SPO11: variants seen among roughly 807,000 people sequenced by gnomAD.
SPO11 encodes SPO11 initiator of meiotic double strand breaks, also known as meiotic recombination protein SPO11.
In SPO11, 49 loss-of-function variants were observed where a neutral mutation model predicts 51.6. The ratio of observed to expected loss-of-function variants is 0.95; its 90% confidence interval spans 0.75 to 1.20. The LOEUF (loss-of-function observed/expected upper bound fraction) is 1.20. Ranked by LOEUF, SPO11 falls within the 50% of genes most tolerant of loss-of-function variation. The pLI, the probability that SPO11 is intolerant of heterozygous loss-of-function variation, is 0.00. For missense variants in SPO11, 431 were observed against 473.4 expected, an observed-to-expected ratio of 0.91 and a Z score of 0.83; for synonymous variants, 176 against 158.2, an observed-to-expected ratio of 1.11 and a Z score of -0.84.
rs755899909 is a variant in SPO11 at position 57,340,226 on chromosome 20, T to C, written c.959+48T>C. The stretch of plus-strand genomic sequence containing the variant: ...GGATATTTAAAATGACAGTTCATTA[T>C]CATATGTAACAATAAGCCTAAAAAG... On this transcript the variant is annotated intron_variant, in intron 11 of 12. Coordinates refer to ENST00000371263, the MANE Select transcript of SPO11 (RefSeq NM_012444.3). 8 of 1,273,772 alleles carry C rather than the reference T, an allele frequency of 6.3e-6. No individual in the cohort carries two copies. The South Asian group carries it at 9.6e-5, about 15-fold the overall frequency. 78.9% of individuals were successfully genotyped at this position (1,273,772 alleles called of 1,614,324 possible).
Position 57,340,086 on chromosome 20 carries a change from T to C in SPO11, c.883-16T>C. On this transcript the variant is annotated splice_polypyrimidine_tract_variant and intron_variant, in intron 10 of 12. Transcript: ENST00000371263. ...CAATTTAGCCTCACCTAATATACTT[T>C]TGTTCTTTATTTTAGTCTATGTCTT... 6.3e-7 allele frequency: 1 copy of C among 1,575,238 alleles called. No homozygotes were observed. Among genetic ancestry groups the C allele is most frequent in the Non-Finnish European group, 8.7e-7 (1 of 1,145,088 alleles).
At chr20:57,332,113 A>C (rs2066457338) in intron 2 of SPO11, among the ~76,000 whole-genome samples, 167 bp downstream of exon 2, 1 of 152,188 alleles carries the variant, frequency 6.6e-6, no homozygotes, top group African/African-American at 2.4e-5. Flanking sequence ...GGTTATGTAA[A>C]CTAGAAGTAG....
chr20:57,340,910 G>A (rs2066573966), intron 11 of SPO11, among the ~76,000 whole-genome samples: 1 of 151,922 alleles, frequency 6.6e-6, no homozygotes, highest in Admixed American at 6.6e-5. Flanking sequence ...TAAAATTTGG[G>A]AACTTCAAGT....
intron 3 of SPO11, 129 bp downstream of exon 3, chr20:57,333,405 T>A: frequency 1.5e-6 from 1 of 682,844 alleles, no homozygotes; most frequent in Non-Finnish European, 2.4e-6. Flanking sequence ...TAAAATAAAT[T>A]TCTATAATTT....
chr20:57,338,634 G>A (rs865930822), intron 9 of SPO11, among the ~76,000 whole-genome samples: 4 of 151,680 alleles, frequency 2.6e-5, no homozygotes, highest in Middle Eastern at 3.2e-3. Flanking sequence ...TAGTAGAGAC[G>A]GGGTTTTACC....
intron 4 of SPO11, 21 bp from the exon 5 acceptor site, chr20:57,333,966 A>G (rs111908685): frequency 7.3e-7 from 1 of 1,362,656 alleles, no homozygotes; most frequent in Non-Finnish European, 1.0e-6. Flanking sequence ...AATTAAAAAT[A>G]TGTATTTTAA....
intron 6 of SPO11, among the ~76,000 whole-genome samples, 185 bp from the exon 7 acceptor site, chr20:57,335,234 T>C (rs1262076941): frequency 6.6e-6 from 1 of 152,186 alleles, no homozygotes; most frequent in Non-Finnish European, 1.5e-5. Flanking sequence ...GTTGGGAGAA[T>C]TGCTGTGAGT....
chr20:57,330,697 T>C (rs1038704701), intron 1 of SPO11, among the ~76,000 whole-genome samples: 1 of 152,170 alleles, frequency 6.6e-6, no homozygotes, highest in Non-Finnish European at 1.5e-5. Flanking sequence ...TGAGCAAAGT[T>C]TTTCAGCCTT....
Position 57,343,426 on chromosome 20 carries a change from T to C in SPO11, c.1157T>C (p.Leu386Ser), listed in dbSNP as rs771168294. 2 of 1,601,134 alleles carry C rather than the reference T, an allele frequency of 1.2e-6. No individual in the cohort carries two copies. Among genetic ancestry groups the C allele is most frequent in the Non-Finnish European group, 1.7e-6 (2 of 1,176,474 alleles). ...TCAGATTATCTTTCCAGAGTGTACT[T>C]ACCTAACAAATTAAAATTTGGAGGA... is the stretch of plus-strand genomic sequence containing the variant. ...LSSDYLSRVY[L>S]PNKLKFGGWI Residue 386 changes from leucine to serine, a missense_variant, in exon 13 of 13, where the codon TTA (leucine) becomes TCA (serine). This residue lies in a region of SPO11 where 23 missense variants were observed against 27.3 expected (regional missense o/e 0.84). Transcript: ENST00000371263.
At position 57,334,035 on chromosome 20, in the gene SPO11, C is replaced by A; in HGVS notation, c.450C>A (p.Val150=). The change falls in exon 5 of 13, where the codon GTC becomes GTA. Residue 150 remains valine (V), a synonymous_variant. Coordinates refer to ENST00000371263, the MANE Select transcript of SPO11 (RefSeq NM_012444.3). ...AACTCTTTGGTAACCAGACTGTCGT[C>A]GACAATATTATCAATGACATTTCTT... ...DSQLFGNQTV[V]DNIINDISCM... is the part of the protein sequence containing the mutation. 6.3e-7 allele frequency: 1 copy of A among 1,589,438 alleles called. No homozygotes were observed. Among genetic ancestry groups the A allele is most frequent in the Non-Finnish European group, 8.6e-7 (1 of 1,165,902 alleles).
intron 1 of SPO11, 54 bp downstream of exon 1, chr20:57,330,052 G>T (rs28368064): frequency 1.6e-5 from 24 of 1,506,206 alleles, no homozygotes; most frequent in Middle Eastern, 2.1e-4. Context: ...AAAGTCGGGC[G>T]CTCTTCCTGG....
At chr20:57,331,798 A>G in intron 1 of SPO11, 35 bp from the exon 2 acceptor site, 1 of 1,236,250 alleles carries the variant, frequency 8.1e-7, no homozygotes, top group Middle Eastern at 2.0e-4. Flanking sequence ...AAAATTTATG[A>G]TTAAGATGGA....
Position 57,333,694 on chromosome 20 carries a change from C to A in SPO11, c.342C>A (p.Ile114=). ...SPKSAQKFSL[I]LKILSMIYKL... is the part of the protein sequence containing the mutation. ...TTGAATTTTATTTTCCAGCTCTAAT[C>A]CTTAAAATATTGTCCATGATTTATA... The change falls in exon 4 of 13, where the codon ATC becomes ATA. Residue 114 remains isoleucine (I), a synonymous_variant. Coordinates refer to ENST00000371263, the MANE Select transcript of SPO11 (RefSeq NM_012444.3). 6.7e-7 allele frequency: 1 copy of A among 1,493,716 alleles called. No individual in the cohort carries two copies. 92.5% of individuals were successfully genotyped at this position (1,493,716 alleles called of 1,614,324 possible).
At chr20:57,337,793 T>C (rs779725255) in intron 8 of SPO11, 15 of 1,303,240 alleles carry the variant, frequency 1.2e-5, no homozygotes, top group Non-Finnish European at 1.5e-5. Flanking sequence ...TAACCCTTTT[T>C]TTTGGTGCTG....
chr20:57,343,642 G>T lies in SPO11; in HGVS notation c.*182G>T, dbSNP rs150842681. On this transcript the variant is annotated 3_prime_UTR_variant, in exon 13 of 13. Transcript: ENST00000371263. ...TGCTGTACTCCAATTTTCTTTGCAA[G>T]GCCTTATTCTTGCCTCTATAGAGAC... 365 of 576,440 alleles carry T rather than the reference G, an allele frequency of 6.3e-4. 1 individual carries two copies. In the African/African-American group the frequency reaches 6.7e-3, roughly 11 times the overall value. The allele number at this position is 576,440 out of a possible 1,614,324, so 35.7% of individuals were successfully genotyped here.
intron 11 of SPO11, among the ~76,000 whole-genome samples, chr20:57,341,313 T>C (rs576973695): frequency 1.3e-5 from 2 of 152,326 alleles, no homozygotes; most frequent in East Asian, 1.9e-4. Flanking sequence ...TCCCTTAGGC[T>C]GAATTCCCAG....
At chr20:57,339,057 A>G (rs1458386492) in intron 10 of SPO11, 31 bp downstream of exon 10, 3 of 1,368,312 alleles carry the variant, frequency 2.2e-6, no homozygotes, top group Non-Finnish European at 3.0e-6. Flanking sequence ...TTCCTTTTTT[A>G]TTATTTAGAC....
chr20:57,339,067 C>T (rs2066548450), intron 10 of SPO11, 41 bp downstream of exon 10: 6 of 1,306,228 alleles, frequency 4.6e-6, no homozygotes, highest in Non-Finnish European at 6.4e-6. Context: ...ATTATTTAGA[C>T]ATTTTATATT....
At chr20:57,332,130 A>C (rs2066457735) in intron 2 of SPO11, among the ~76,000 whole-genome samples, 184 bp downstream of exon 2, 1 of 152,230 alleles carries the variant, frequency 6.6e-6, no homozygotes, top group Non-Finnish European at 1.5e-5. Flanking sequence ...GTAGGTGTGA[A>C]AGATGAGGCA....
Sources: gnomAD v4.1 joint callset for allele counts (sites outside exome capture counted in the v4.1 genomes callset) on GRCh38, gnomAD v4.1.1 for gene constraint, gnomAD v4.1.1 regional missense constraint, MANE v1.5 for transcripts, NCBI Gene and HGNC (gene_info 2026-07-23, HGNC 2026-07-21) for gene names.